Variants in LPIN1 observed in about 807,000 individuals in gnomAD.
LPIN1 encodes the protein lipin 1.
In LPIN1, 71 loss-of-function variants were observed where a neutral mutation model predicts 107.5. The ratio of observed to expected loss-of-function variants is 0.66; its 90% CI spans 0.55 to 0.80. The LOEUF (loss-of-function observed/expected upper bound fraction) is 0.80. Among genes scored for constraint, LPIN1 ranks in the 30% least tolerant of loss-of-function variants. The probability of loss-of-function intolerance (pLI) is 0.00; values close to 1 mark genes in which losing one functional copy is unlikely to be tolerated. For synonymous variants in LPIN1, 445 were observed against 452.6 expected (o/e 0.98, Z 0.21); for missense variants, 1,043 against 1,160.6 (o/e 0.90, Z 1.47).
intron 1 of LPIN1, among the ~76,000 whole-genome samples, chr2:11,761,676 T>C (rs189458483): frequency 4.6e-5 from 7 of 152,290 alleles, no homozygotes; most frequent in Admixed American, 4.6e-4. Context: ...ATTTGACCAC[T>C]CTTGAGCCTC....
At chr2:11,704,883 G>A (rs1376134697) in intron 1 of LPIN1, among the ~76,000 whole-genome samples, 7 of 152,240 alleles carry the variant, frequency 4.6e-5, no homozygotes, top group African/African-American at 1.7e-4. Context: ...ACTGGACACT[G>A]GGGACTAGCT....
chr2:11,765,797 T>A lies in LPIN1; in HGVS notation c.192+64T>A. On this transcript the variant is annotated intron_variant, in intron 2 of 20. Transcript: ENST00000674199. This position sits in a 1 kb window ranked among gnomAD's most constrained non-coding sequence, Gnocchi z 4.4. ...CTTAGAGAATGCCCTTGTACTCTGG[T>A]GATGCCACCTGTCTTGAACTCTCAG... 7.0e-7 allele frequency: 1 copy of A among 1,427,250 alleles called. No homozygotes were observed. Among genetic ancestry groups the A allele is most frequent in the East Asian group, 2.3e-5 (1 of 43,388 alleles). The allele number at this position is 1,427,250 out of a possible 1,614,324, so 88.4% of individuals were successfully genotyped here. A position where few individuals can be genotyped will look rare whatever the true frequency, so the allele number is the denominator to read the frequency against.
intron 18 of LPIN1, chr2:11,817,538 C>G (rs1680773608): frequency 6.6e-6 from 1 of 152,098 alleles, no homozygotes; most frequent in Admixed American, 6.5e-5. Context: ...GTCTATAGTC[C>G]ACTAAGAATG....
intron 1 of LPIN1, among the ~76,000 whole-genome samples, chr2:11,712,746 C>A (rs573051707): frequency 6.6e-6 from 1 of 152,228 alleles, no homozygotes; most frequent in African/African-American, 2.4e-5. Context: ...GAACTCAGAG[C>A]ACACATGTTT....
At chr2:11,766,440 C>T (rs1670902289) in intron 2 of LPIN1, among the ~76,000 whole-genome samples, 1 of 152,150 alleles carries the variant, frequency 6.6e-6, no homozygotes, top group African/African-American at 2.4e-5. Flanking sequence ...GAAGTGTAGC[C>T]TCCTGCCAGA....
intron 1 of LPIN1, among the ~76,000 whole-genome samples, chr2:11,755,949 C>T (rs1181074036): frequency 6.6e-6 from 1 of 152,116 alleles, no homozygotes; most frequent in Non-Finnish European, 1.5e-5. Context: ...TCTCGGTCTC[C>T]TGACCTCATG....
chr2:11,804,857 C>T lies in LPIN1; in HGVS notation c.2163-213C>T, dbSNP rs192700716. Among the ~76,000 whole-genome samples the T allele has an allele frequency of 1.5e-4, 23 of 152,212 alleles. 1 individual carries two copies. Among genetic ancestry groups the T allele is most frequent in the Admixed American group, 3.3e-4 (5 of 15,294 alleles). On this transcript the variant is annotated intron_variant, in intron 16 of 20. Coordinates refer to ENST00000674199, the MANE Select transcript of LPIN1 (RefSeq NM_001349206.2). The stretch of plus-strand genomic sequence containing the variant: ...TTTACCTTTGATTGAACAAGCCGGT[C>T]ACCTCGATGCATGATCAGACTGGAG...
At chr2:11,769,030 T>A (rs181537393) in intron 3 of LPIN1, among the ~76,000 whole-genome samples, 1 of 152,252 alleles carries the variant, frequency 6.6e-6, no homozygotes, top group Non-Finnish European at 1.5e-5. Context: ...GCTGTGAACA[T>A]TTGTATACAA....
At chr2:11,740,506 C>A (rs758760376) in intron 1 of LPIN1, among the ~76,000 whole-genome samples, 1 of 151,686 alleles carries the variant, frequency 6.6e-6, no homozygotes, top group African/African-American at 2.4e-5. Context: ...CATGGCGAAA[C>A]CCTGTCTCTA....
chr2:11,786,725 A>G lies in LPIN1; in HGVS notation c.1550-349A>G, dbSNP rs564081347. ...GGGTTACCCCCGTAATCGTGACTTC[A>G]GCCGAGGGAGCCTGGCTTCTGCGCC... On this transcript the variant is annotated intron_variant, in intron 10 of 20. Transcript: ENST00000674199. The surrounding 1 kb of genome is among the most constrained non-coding windows in gnomAD (Gnocchi z 4.1). Among the ~76,000 whole-genome samples the G allele has an allele frequency of 1.6e-3, 246 of 152,328 alleles. 1 individual carries two copies. The highest frequency in any genetic ancestry group is 3.4e-3 in the Middle Eastern group (1 of 294).
At chr2:11,755,274 C>T (rs1376576045) in intron 1 of LPIN1, among the ~76,000 whole-genome samples, 1 of 152,138 alleles carries the variant, frequency 6.6e-6, no homozygotes, top group African/African-American at 2.4e-5. Context: ...GCCATTTCTT[C>T]TCATTTTTAA....
At chr2:11,709,657 A>C (rs182283485) in intron 1 of LPIN1, among the ~76,000 whole-genome samples, 3 of 152,244 alleles carry the variant, frequency 2.0e-5, no homozygotes, top group Admixed American at 2.0e-4. Flanking sequence ...TGACTTTGGT[A>C]GTACCGTTTC....
chr2:11,794,523 G>T (rs1396053027), intron 13 of LPIN1, among the ~76,000 whole-genome samples: 1 of 152,100 alleles, frequency 6.6e-6, no homozygotes, highest in African/African-American at 2.4e-5. Flanking sequence ...AAACCTAAAG[G>T]ATATTTGAAC....
At chr2:11,705,340 G>C (rs981640799) in intron 1 of LPIN1, among the ~76,000 whole-genome samples, 1 of 152,288 alleles carries the variant, frequency 6.6e-6, no homozygotes, top group Admixed American at 6.5e-5. Context: ...TGACTACCGT[G>C]TGCCAGCCAC....
intron 1 of LPIN1, among the ~76,000 whole-genome samples, chr2:11,693,861 G>T (rs1401843399): frequency 2.0e-5 from 2 of 98,304 alleles, no homozygotes; most frequent in Non-Finnish European, 3.7e-5. Context: ...TTGAGATGGA[G>T]TCTCGCTCAG....
At chr2:11,804,379 C>A (rs367871413) in intron 15 of LPIN1, 44 bp from the exon 16 acceptor site, 270 of 1,611,770 alleles carry the variant, frequency 1.7e-4, no homozygotes, top group Admixed American at 2.5e-4. Flanking sequence ...TCAATCAGGG[C>A]CTTTCCCTCA....
Position 11,784,106 on chromosome 2 carries a change from A to G in LPIN1, c.1358+184A>G, listed in dbSNP as rs373816589. ...GATCACTTGAGGTCAGGAGTTCAAG[A>G]CCACCCTGGCCAACATGGTGAATCC... On this transcript the variant is annotated intron_variant, in intron 9 of 20. Coordinates refer to ENST00000674199, the MANE Select transcript of LPIN1 (RefSeq NM_001349206.2). 2.9e-4 allele frequency: 293 copies of G among 1,023,004 alleles called. 4 individuals are homozygous for G. In the South Asian group the frequency reaches 4.4e-3, roughly 15 times the overall value. 63.4% of individuals were successfully genotyped at this position (1,023,004 alleles called of 1,614,324 possible). A position where few individuals can be genotyped will look rare whatever the true frequency, so the allele number is the denominator to read the frequency against.
At chr2:11,785,272 C>T (rs775735684) in intron 10 of LPIN1, among the ~76,000 whole-genome samples, 196 bp downstream of exon 10, 9 of 152,228 alleles carry the variant, frequency 5.9e-5, no homozygotes, top group Admixed American at 1.3e-4. Context: ...CTGTGGGTCA[C>T]CCATGGCTCG....
chr2:11,759,178 T>TTTCTTTC (rs1426203722), intron 1 of LPIN1, among the ~76,000 whole-genome samples: 6 of 143,632 alleles, frequency 4.2e-5, no homozygotes, highest in Admixed American at 2.1e-4. Flanking sequence ...TCTTTCTTTC[T>TTTCTTTC]TTCTTTCTTT....
Sources: gnomAD v4.1 joint callset for allele counts (sites outside exome capture counted in the v4.1 genomes callset) on GRCh38, gnomAD v4.1.1 for gene constraint, Gnocchi (gnomAD v3.1) non-coding constraint, MANE v1.5 for transcripts, NCBI Gene and HGNC (gene_info 2026-07-23, HGNC 2026-07-21) for gene names.